HEMK2: variants seen among roughly 807,000 people sequenced by gnomAD.
HEMK2 encodes the protein HemK methyltransferase 2, ETF1 glutamine and histone H4 lysine.
the HEMK2 span, among the ~76,000 whole-genome samples, chr21:28,793,388 C>T: frequency 6.6e-6 from 1 of 152,182 alleles, no homozygotes; most frequent in Non-Finnish European, 1.5e-5. Flanking sequence ...TTTGCCACTT[C>T]CAATCTGTGT....
the HEMK2 span, among the ~76,000 whole-genome samples, chr21:28,697,437 A>C: frequency 6.6e-6 from 1 of 152,174 alleles, no homozygotes; most frequent in Admixed American, 6.5e-5. Context: ...TATTGTCCAG[A>C]TCACTATCAG....
chr21:28,734,540 G>A, the HEMK2 span, among the ~76,000 whole-genome samples: 3 of 152,144 alleles, frequency 2.0e-5, no homozygotes, highest in African/African-American at 7.2e-5. Flanking sequence ...TACATGAAGT[G>A]TAAAACAATT....
chr21:28,801,842 T>A, the HEMK2 span, among the ~76,000 whole-genome samples: 3 of 152,162 alleles, frequency 2.0e-5, no homozygotes, highest in Non-Finnish European at 2.9e-5. Flanking sequence ...AATTAGAACA[T>A]CACTGTTGGA....
chr21:28,769,803 C>T, the HEMK2 span, among the ~76,000 whole-genome samples: 1 of 152,112 alleles, frequency 6.6e-6, no homozygotes, highest in Non-Finnish European at 1.5e-5. Flanking sequence ...GTTCCCAGGA[C>T]AAGAATTCAA....
the HEMK2 span, among the ~76,000 whole-genome samples, chr21:28,689,269 T>C: frequency 1.3e-5 from 2 of 152,192 alleles, no homozygotes; most frequent in Admixed American, 1.3e-4. Flanking sequence ...ATGCAAATTG[T>C]AGATGTTAAG....
the HEMK2 span, among the ~76,000 whole-genome samples, chr21:28,614,300 G>A: frequency 6.6e-6 from 1 of 150,458 alleles, no homozygotes; most frequent in African/African-American, 2.4e-5. Flanking sequence ...AATCTGGTGG[G>A]TTTTTTTTTA....
the HEMK2 span, among the ~76,000 whole-genome samples, chr21:28,683,814 C>T: frequency 1.4e-3 from 216 of 152,246 alleles, 1 homozygote; most frequent in African/African-American, 4.8e-3. Flanking sequence ...TGAAAAAACA[C>T]ATTGCAAAGA....
At chr21:28,840,730 AC>A in the HEMK2 span, among the ~76,000 whole-genome samples, 1 of 151,942 alleles carries the variant, frequency 6.6e-6, no homozygotes. Context: ...TGAACAGGGA[AC>A]ATTTCTACAC....
At chr21:28,718,828 C>A in the HEMK2 span, among the ~76,000 whole-genome samples, 3 of 152,028 alleles carry the variant, frequency 2.0e-5, no homozygotes, top group Non-Finnish European at 2.9e-5. Flanking sequence ...CTAATGAATT[C>A]AGAAAATCCA....
the HEMK2 span, among the ~76,000 whole-genome samples, chr21:28,713,707 T>C: frequency 2.6e-5 from 4 of 152,312 alleles, 1 homozygote; most frequent in African/African-American, 9.6e-5. Context: ...GCGCTTTTCC[T>C]TTTCTGTCTG....
At chr21:28,657,918 A>G in the HEMK2 span, among the ~76,000 whole-genome samples, 1 of 152,080 alleles carries the variant, frequency 6.6e-6, no homozygotes, top group Admixed American at 6.6e-5. Flanking sequence ...AAAAAGGCAA[A>G]AAGAAAAAAT....
chr21:28,729,689 A>T, the HEMK2 span, among the ~76,000 whole-genome samples: 1 of 152,006 alleles, frequency 6.6e-6, no homozygotes, highest in African/African-American at 2.4e-5. Context: ...AAGTTTATAA[A>T]TTTGTTTTGT....
At chr21:28,883,061 A>T in the HEMK2 span, 1 of 1,601,180 alleles carries the variant, frequency 6.2e-7, no homozygotes, top group African/African-American at 1.3e-5. Context: ...ACTTCCAGGC[A>T]TATTTCCACT....
the HEMK2 span, among the ~76,000 whole-genome samples, chr21:28,849,966 C>T: frequency 6.6e-6 from 1 of 152,174 alleles, no homozygotes; most frequent in South Asian, 2.1e-4. Flanking sequence ...TGAAAATTCT[C>T]CTAACCTAAC....
chr21:28,747,885 A>AGTCT, the HEMK2 span, among the ~76,000 whole-genome samples: 1 of 152,242 alleles, frequency 6.6e-6, no homozygotes, highest in South Asian at 2.1e-4. Flanking sequence ...ATTAAAAGGA[A>AGTCT]CATAACCAGA....
the HEMK2 span, among the ~76,000 whole-genome samples, chr21:28,624,228 A>C: frequency 2.0e-5 from 3 of 152,228 alleles, no homozygotes; most frequent in African/African-American, 7.2e-5. Flanking sequence ...AAAAAATTAC[A>C]TTCAGATTTT....
the HEMK2 span, among the ~76,000 whole-genome samples, chr21:28,659,661 G>C: frequency 6.6e-6 from 1 of 152,006 alleles, no homozygotes. Flanking sequence ...TAACAAAAGA[G>C]AAATAGGTAA....
the HEMK2 span, among the ~76,000 whole-genome samples, chr21:28,806,633 T>C: frequency 1.3e-5 from 2 of 152,076 alleles, no homozygotes; most frequent in Non-Finnish European, 2.9e-5. Flanking sequence ...TCTTTCCTGG[T>C]CTGCAAAAGA....
At chr21:28,664,927 T>C in the HEMK2 span, among the ~76,000 whole-genome samples, 1 of 152,146 alleles carries the variant, frequency 6.6e-6, no homozygotes, top group Non-Finnish European at 1.5e-5. Flanking sequence ...AATTCACTCC[T>C]AAGCTTTTCA....
Sources: allele counts gnomAD v4.1 joint callset (sites outside exome capture counted in the v4.1 genomes callset), GRCh38; gene constraint gnomAD v4.1.1; transcripts MANE v1.5; gene names NCBI Gene and HGNC (gene_info 2026-07-23, HGNC 2026-07-21).